The following UBAP2 variants were observed in gnomAD, a reference collection of about 807,000 sequenced individuals.
UBAP2 encodes the protein ubiquitin-associated protein 2.
Under a neutral mutation model 139.6 loss-of-function variants are expected in UBAP2, and 75 were observed. The ratio of observed to expected loss-of-function variants is 0.54; its 90% CI spans 0.45 to 0.65. UBAP2 has a LOEUF of 0.65. Ranked by LOEUF, UBAP2 falls within the 30% of genes least tolerant of loss-of-function variation. The pLI is 0.00. For synonymous variants in UBAP2, 526 were observed against 526.2 expected, an observed-to-expected ratio of 1.00 and a Z score of 0.01; for missense variants, 1,368 against 1,369.6, an observed-to-expected ratio of 1.00 and a Z score of 0.02.
In UBAP2 at chr9:34,012,903, C is replaced by T. The variant is rs1265720465; in HGVS notation, c.99+4147G>A. 2.6e-5 allele frequency among the ~76,000 whole-genome samples: 4 copies of T among 150,986 alleles called. No individual in the cohort carries two copies. The South Asian group carries it at 8.3e-4, about 31-fold the overall frequency. ...CAGGGGCTCACACCTATAATCCGGG[C>T]AGTTTGGGAAGCTGAGGTGGGCAGA... is the stretch of plus-strand genomic sequence containing the variant. On this transcript the variant is annotated intron_variant, in intron 2 of 28. Coordinates refer to ENST00000379238, the MANE Select transcript of UBAP2 (RefSeq NM_001370062.2).
At chr9:34,038,695 C>T (rs1474849300) in intron 1 of UBAP2, among the ~76,000 whole-genome samples, 6 of 152,192 alleles carry the variant, frequency 3.9e-5, no homozygotes, top group Non-Finnish European at 4.4e-5. Flanking sequence ...AGCCTCTGCC[C>T]GGCCGCCACC....
rs564953296 is a variant in UBAP2 at position 34,023,944 on chromosome 9, T to A, written c.-41-6755A>T. On this transcript the variant is annotated intron_variant, in intron 1 of 28. Coordinates refer to ENST00000379238, the MANE Select transcript of UBAP2 (RefSeq NM_001370062.2). ...CTGTAGTCCCAGCTACCCAGGAGGC[T>A]GACGCAGGAGAATCGCTTGAACCTG... is the stretch of plus-strand genomic sequence containing the variant. Among the ~76,000 whole-genome samples, 92 of 152,206 alleles carry A rather than the reference T, an allele frequency of 6.0e-4. 1 individual carries two copies. Among genetic ancestry groups the A allele is most frequent in the Non-Finnish European group, 1.1e-3 (73 of 68,016 alleles).
intron 6 of UBAP2, among the ~76,000 whole-genome samples, chr9:33,981,772 TAGGAAGGTAGGAAGGA>T (rs1820779188): frequency 8.0e-6 from 1 of 125,038 alleles, no homozygotes. Context: ...GGTAGGTAGG[TAGGAAGGTAGGAAGGA>T]AGGAAGGAAG....
intron 10 of UBAP2, among the ~76,000 whole-genome samples, chr9:33,960,086 C>T (rs992417686): frequency 1.3e-5 from 2 of 151,992 alleles, no homozygotes; most frequent in Non-Finnish European, 2.9e-5. Context: ...CACAACCCCA[C>T]ACCCAGGTAA....
intron 1 of UBAP2, among the ~76,000 whole-genome samples, chr9:34,031,277 CAAAA>C (rs767083775): frequency 1.4e-5 from 1 of 71,748 alleles, no homozygotes; most frequent in African/African-American, 5.2e-5. Flanking sequence ...AACTCAGTCT[CAAAA>C]AAAAAAAAAA....
chr9:33,979,732 A>G (rs1820471080), intron 6 of UBAP2, among the ~76,000 whole-genome samples: 1 of 148,760 alleles, frequency 6.7e-6, no homozygotes, highest in Admixed American at 6.9e-5. Context: ...AAATACAAGA[A>G]GTAGCTGAGC....
chr9:34,024,998 AC>A (rs1443454306), intron 1 of UBAP2, among the ~76,000 whole-genome samples: 7 of 152,084 alleles, frequency 4.6e-5, no homozygotes, highest in Non-Finnish European at 1.0e-4. Context: ...AAAAAAAAAA[AC>A]TTCTGATAAT....
intron 6 of UBAP2, among the ~76,000 whole-genome samples, chr9:33,978,796 G>C (rs530514675): frequency 6.6e-6 from 1 of 152,098 alleles, no homozygotes; most frequent in African/African-American, 2.4e-5. Flanking sequence ...AAGAAAGAAA[G>C]AAAGAAAAAG....
Position 33,924,195 on chromosome 9 carries a change from A to G in UBAP2, c.2590+11T>C, listed in dbSNP as rs1233569239. ...GCCCCGGGCTACTCCTCATCCATTG[A>G]GCAAACTCACCTGGATATGGATTAT... is the stretch of plus-strand genomic sequence containing the variant. On this transcript the variant is annotated intron_variant, in intron 23 of 28. Coordinates refer to ENST00000379238, the MANE Select transcript of UBAP2 (RefSeq NM_001370062.2). The G allele has an allele frequency of 1.9e-6, 3 of 1,614,034 alleles. No individual in the cohort carries two copies. Among genetic ancestry groups the G allele is most frequent in the South Asian group, 1.1e-5 (1 of 91,086 alleles).
At chr9:34,006,450 C>G (rs1039103483) in intron 2 of UBAP2, among the ~76,000 whole-genome samples, 1 of 152,144 alleles carries the variant, frequency 6.6e-6, no homozygotes, top group Non-Finnish European at 1.5e-5. Flanking sequence ...AAGGCTGAGG[C>G]AGGCAGATTG....
intron 1 of UBAP2, among the ~76,000 whole-genome samples, chr9:34,042,413 G>A (rs988648902): frequency 1.5e-4 from 23 of 150,798 alleles, no homozygotes; most frequent in Admixed American, 2.0e-4. Context: ...GGGAGGTGGA[G>A]GTTGCAGTGA....
intron 1 of UBAP2, among the ~76,000 whole-genome samples, chr9:34,017,654 C>A (rs1354725642): frequency 6.6e-6 from 1 of 152,148 alleles, no homozygotes; most frequent in East Asian, 1.9e-4. Context: ...TGGCCGGGTG[C>A]GGTGGCTCAC....
At chr9:34,042,433 G>A (rs980623773) in intron 1 of UBAP2, among the ~76,000 whole-genome samples, 7 of 150,026 alleles carry the variant, frequency 4.7e-5, no homozygotes, top group African/African-American at 1.5e-4. Flanking sequence ...AGCTGAGATC[G>A]GGCCACTACA....
chr9:34,016,050 T>C (rs918905665), intron 2 of UBAP2, among the ~76,000 whole-genome samples: 6 of 152,068 alleles, frequency 3.9e-5, no homozygotes, highest in African/African-American at 7.2e-5. Context: ...TGGATTTTCA[T>C]ATTTCATTCC....
At chr9:33,999,919 GGAGTCACAC>G (rs1822554869) in intron 2 of UBAP2, among the ~76,000 whole-genome samples, 1 of 143,912 alleles carries the variant, frequency 6.9e-6, no homozygotes, top group South Asian at 2.2e-4. Context: ...ATTTTGAGAT[GGAGTCACAC>G]TCTGTCGCCC....
intron 1 of UBAP2, among the ~76,000 whole-genome samples, chr9:34,048,064 CTAAT>C (rs200001967): frequency 0.013 from 1,945 of 152,184 alleles, 20 homozygotes; most frequent in South Asian, 0.052. Context: ...GCGTGGGCAA[CTAAT>C]TAGACTAAAA....
In UBAP2 at chr9:33,986,852, G is replaced by A; in HGVS notation, c.443-15C>T. On this transcript the variant is annotated splice_polypyrimidine_tract_variant and intron_variant, in intron 5 of 28. Transcript: ENST00000379238. ...TTCACCTCTAACTAGGGGGAAAAGA[G>A]CAGAAAAATCAAATTTCCATTTCCA... is the stretch of plus-strand genomic sequence containing the variant. The A allele has an allele frequency of 1.2e-6, 2 of 1,611,818 alleles. No individual in the cohort carries two copies. The highest frequency in any genetic ancestry group is 1.7e-5 in the Admixed American group (1 of 59,982).
At chr9:33,932,766 C>G in intron 18 of UBAP2, 138 bp from the exon 19 acceptor site, 1 of 872,252 alleles carries the variant, frequency 1.1e-6, no homozygotes. Context: ...ATCCTCATTC[C>G]TTATCCCCAC....
chr9:33,934,988 G>A lies in UBAP2; in HGVS notation c.1969+851C>T, dbSNP rs112114544. The stretch of plus-strand genomic sequence containing the variant: ...CTCGGTCTGCTTAAGTTCAATATCC[G>A]CACTCCCAGGAAATCCTATTTAAAG... On this transcript the variant is annotated intron_variant, in intron 17 of 28. Transcript: ENST00000379238. 7.1e-3 allele frequency among the ~76,000 whole-genome samples: 1,075 copies of A among 152,144 alleles called. 5 individuals carry two copies. Among genetic ancestry groups the A allele is most frequent in the Non-Finnish European group, 0.01 (712 of 67,988 alleles).
Sources: gnomAD v4.1 joint callset for allele counts (sites outside exome capture counted in the v4.1 genomes callset) on GRCh38, gnomAD v4.1.1 for gene constraint, MANE v1.5 for transcripts, NCBI Gene and HGNC (gene_info 2026-07-23, HGNC 2026-07-21) for gene names.